ZFAT: variants seen among roughly 807,000 people sequenced by gnomAD.
ZFAT encodes zinc finger and AT-hook domain containing.
In ZFAT, 64 loss-of-function variants were observed where a neutral mutation model predicts 117.7. The observed-to-expected ratio is 0.54, with a 90% confidence interval of 0.44 to 0.67. The LOEUF (loss-of-function observed/expected upper bound fraction) is 0.67, where lower values mean the gene tolerates loss of function less well. ZFAT is among the 30% of genes least tolerant of loss of function. The pLI, the probability that ZFAT is intolerant of heterozygous loss-of-function variation, is 0.00. For missense variants in ZFAT, 1,433 were observed against 1,584.5 expected (o/e 0.90, Z 1.62); for synonymous variants, 679 against 615.0 (o/e 1.10, Z -1.54).
chr8:134,793,267 C>T, the ZFAT span: 1 of 152,190 alleles, frequency 6.6e-6, no homozygotes, highest in Non-Finnish European at 1.5e-5. Flanking sequence ...ACATTTAGCA[C>T]TAGTTGATAG....
At chr8:134,659,532 A>C (rs1321234780) in intron 1 of ZFAT, among the ~76,000 whole-genome samples, 1 of 152,182 alleles carries the variant, frequency 6.6e-6, no homozygotes, top group Non-Finnish European at 1.5e-5. Flanking sequence ...ATGCTCCCAC[A>C]TCCCTGTGTG....
chr8:134,537,986 C>G (rs1419649546), intron 11 of ZFAT, among the ~76,000 whole-genome samples: 2 of 152,084 alleles, frequency 1.3e-5, no homozygotes, highest in African/African-American at 4.8e-5. Context: ...AGGGTGTATT[C>G]CTAGAATTCT....
At chr8:134,814,543 GA>G in the ZFAT span, among the ~76,000 whole-genome samples, 1 of 152,316 alleles carries the variant, frequency 6.6e-6, no homozygotes, top group African/African-American at 2.4e-5. Flanking sequence ...TTATGGCTGG[GA>G]GGCAAACAAG....
At chr8:134,635,691 G>A (rs1042137610) in intron 3 of ZFAT, among the ~76,000 whole-genome samples, 9 of 151,840 alleles carry the variant, frequency 5.9e-5, no homozygotes, top group South Asian at 2.1e-4. Context: ...GTGCATGCAC[G>A]CACAAGAGGG....
intron 7 of ZFAT, chr8:134,598,135 G>C (rs1218244193): frequency 6.6e-6 from 1 of 152,228 alleles, no homozygotes; most frequent in African/African-American, 2.4e-5. Context: ...GCAACCCCAG[G>C]CAGTGGTGAG....
intron 1 of ZFAT, among the ~76,000 whole-genome samples, chr8:134,690,260 G>C (rs938653503): frequency 6.6e-6 from 1 of 152,212 alleles, no homozygotes; most frequent in Non-Finnish European, 1.5e-5. Context: ...AGATTCAAGA[G>C]TTAGGAAAAT....
chr8:134,644,927 A>C (rs1425989504), intron 2 of ZFAT, among the ~76,000 whole-genome samples: 1 of 152,090 alleles, frequency 6.6e-6, no homozygotes, highest in Non-Finnish European at 1.5e-5. Flanking sequence ...ACACAAACAC[A>C]CCCATATACA....
the ZFAT span, among the ~76,000 whole-genome samples, chr8:134,824,264 T>C: frequency 6.6e-6 from 1 of 152,160 alleles, no homozygotes; most frequent in South Asian, 2.1e-4. Flanking sequence ...TAAGTAGAAT[T>C]AGAATGCAGG....
At chr8:134,778,302 A>C in the ZFAT span, among the ~76,000 whole-genome samples, 1 of 152,222 alleles carries the variant, frequency 6.6e-6, no homozygotes, top group African/African-American at 2.4e-5. Context: ...CTCATGCTGG[A>C]CTGTTCCCTA....
At chr8:134,695,800 C>T (rs540514536) in intron 1 of ZFAT, among the ~76,000 whole-genome samples, 76 of 148,838 alleles carry the variant, frequency 5.1e-4, no homozygotes, top group African/African-American at 1.7e-3. Context: ...AAGGCAGCAC[C>T]GCCCCCCAGG....
At chr8:134,656,743 T>C (rs1411457063) in intron 2 of ZFAT, among the ~76,000 whole-genome samples, 8 of 152,208 alleles carry the variant, frequency 5.3e-5, no homozygotes, top group Non-Finnish European at 1.2e-4. Flanking sequence ...CTGCTATGCA[T>C]TGGGCTTCTG....
chr8:134,617,350 C>A (rs1828821256), intron 3 of ZFAT, among the ~76,000 whole-genome samples: 2 of 152,194 alleles, frequency 1.3e-5, no homozygotes, highest in African/African-American at 4.8e-5. Flanking sequence ...TTTGTTCAAT[C>A]CAAAATATCT....
chr8:134,740,090 C>T, the ZFAT span, among the ~76,000 whole-genome samples: 757 of 152,316 alleles, frequency 5.0e-3, 10 homozygotes, highest in Middle Eastern at 0.031. Flanking sequence ...GACTTTTCCC[C>T]TTCTCATTTC....
At chr8:134,664,426 A>G (rs938539305) in intron 1 of ZFAT, among the ~76,000 whole-genome samples, 7 of 152,208 alleles carry the variant, frequency 4.6e-5, no homozygotes, top group African/African-American at 1.4e-4. Context: ...GCTGGCCCTG[A>G]CAGTCAGACT....
the ZFAT span, among the ~76,000 whole-genome samples, chr8:134,747,164 C>T: frequency 1.3e-5 from 2 of 152,094 alleles, no homozygotes; most frequent in Non-Finnish European, 2.9e-5. Context: ...TCATGGCTCA[C>T]TGCAGCCTCG....
intron 12 of ZFAT, among the ~76,000 whole-genome samples, chr8:134,529,867 G>A (rs964614602): frequency 3.3e-5 from 5 of 152,164 alleles, no homozygotes; most frequent in African/African-American, 1.2e-4. Flanking sequence ...TTCCCAGCAA[G>A]CTTTGGGAAC....
the ZFAT span, among the ~76,000 whole-genome samples, chr8:134,755,759 C>G: frequency 6.9e-6 from 1 of 145,406 alleles, no homozygotes; most frequent in African/African-American, 2.6e-5. Flanking sequence ...TTGCAGTTAG[C>G]CGAGATCACG....
chr8:134,525,391 C>T (rs1586642756), intron 12 of ZFAT, among the ~76,000 whole-genome samples: 1 of 152,342 alleles, frequency 6.6e-6, no homozygotes, highest in South Asian at 2.1e-4. Context: ...GAGCTGACCA[C>T]TGAGTGTATC....
At chr8:134,687,903 C>T (rs1586953096) in intron 1 of ZFAT, among the ~76,000 whole-genome samples, 1 of 152,178 alleles carries the variant, frequency 6.6e-6, no homozygotes, top group African/African-American at 2.4e-5. Flanking sequence ...GCCTGCCTCT[C>T]GTCTTGTTTC....
Sources: allele counts gnomAD v4.1 joint callset (sites outside exome capture counted in the v4.1 genomes callset), GRCh38; gene constraint gnomAD v4.1.1; transcripts MANE v1.5; gene names NCBI Gene and HGNC (gene_info 2026-07-23, HGNC 2026-07-21).